NKAIN3: variants seen among roughly 807,000 people sequenced by gnomAD.
NKAIN3 encodes sodium/potassium transporting ATPase interacting 3, also known as sodium/potassium-transporting ATPase subunit beta-1-interacting protein 3.
In NKAIN3, 25 loss-of-function variants were observed where a neutral mutation model predicts 30.2. The observed-to-expected ratio is 0.83, with a 90% CI of 0.60 to 1.16. The LOEUF is 1.16. Among genes scored for constraint, NKAIN3 ranks in the 50% most tolerant of loss-of-function variants. The pLI, the probability that NKAIN3 is intolerant of heterozygous loss-of-function variation, is 0.00. For missense variants in NKAIN3, 225 were observed against 254.1 expected (o/e 0.89, Z 0.78); for synonymous variants, 91 against 89.6 (o/e 1.02, Z -0.09).
At position 62,992,107 on chromosome 8, in the gene NKAIN3, C is replaced by A. The variant is rs1192174701; in HGVS notation, c.533-7124C>A. Among the ~76,000 whole-genome samples the A allele has an allele frequency of 2.6e-5, 4 of 151,842 alleles. No individual in the cohort carries two copies. The East Asian group carries it at 7.7e-4, about 29-fold the overall frequency. On this transcript the variant is annotated intron_variant, in intron 5 of 5. Coordinates refer to the NKAIN3 transcript ENST00000519049. ...GACCTCAGCACTCTGCAGCTTACATCTCCCAGGTTTAAGTGACCCTCCTGC... is the reference window on the plus strand; with the variant it reads ...GACCTCAGCACTCTGCAGCTTACATATCCCAGGTTTAAGTGACCCTCCTGC...
chr8:62,496,727 C>T lies in NKAIN3; in HGVS notation c.55-82812C>T, dbSNP rs182543007. Among the ~76,000 whole-genome samples the T allele has an allele frequency of 3.4e-3, 520 of 152,150 alleles. 2 individuals are homozygous for T. The highest frequency in any genetic ancestry group is 0.012 in the African/African-American group (501 of 41,536). On this transcript the variant is annotated intron_variant, in intron 1 of 6. Transcript: ENST00000623646. ...AAGGTTCTGAAAGGCTATGAAGACC[C>T]GCTTTCAAAAAAATGGAGCTAAAAC...
intron 4 of NKAIN3, among the ~76,000 whole-genome samples, chr8:62,788,061 G>A (rs1473530665): frequency 6.6e-6 from 1 of 152,074 alleles, no homozygotes; most frequent in Non-Finnish European, 1.5e-5. Flanking sequence ...CCAGTAATGG[G>A]GTGGCTGGGT....
chr8:62,983,354 A>G lies in NKAIN3; in HGVS notation c.*17947A>G, dbSNP rs1824126578. The G allele has an allele frequency of 6.6e-6, 1 of 152,050 alleles. No individual in the cohort carries two copies. The highest frequency in any genetic ancestry group is 2.1e-4 in the South Asian group (1 of 4,812). The allele number at this position is 152,050 out of a possible 1,614,324, so 9.4% of individuals were successfully genotyped here. The stretch of plus-strand genomic sequence containing the variant: ...AGGGCTCTGCACAAGCCGGGCTCTG[A>G]TAGGAGGTGCCAGTGCTTTTCTTCT... On this transcript the variant is annotated 3_prime_UTR_variant, in exon 7 of 7. Transcript: ENST00000623646.
intron 4 of NKAIN3, among the ~76,000 whole-genome samples, chr8:62,825,850 TG>T (rs371897005): frequency 1.6e-4 from 24 of 152,302 alleles, no homozygotes; most frequent in African/African-American, 5.8e-4. Flanking sequence ...CTCTGGCTTA[TG>T]GCCCCTGACT....
chr8:62,732,762 A>T (rs1056760259), intron 3 of NKAIN3, among the ~76,000 whole-genome samples: 2 of 151,974 alleles, frequency 1.3e-5, no homozygotes, highest in African/African-American at 4.8e-5. Context: ...ATGTTTTTCC[A>T]TAAAGTCTAT....
chr8:62,707,825 C>A (rs1586112420), intron 3 of NKAIN3, among the ~76,000 whole-genome samples: 1 of 152,252 alleles, frequency 6.6e-6, no homozygotes, highest in Non-Finnish European at 1.5e-5. Context: ...AAAGATTCTT[C>A]CAGTGTTATC....
intron 4 of NKAIN3, among the ~76,000 whole-genome samples, chr8:62,789,742 C>G (rs1267243190): frequency 6.6e-6 from 1 of 152,106 alleles, no homozygotes; most frequent in African/African-American, 2.4e-5. Context: ...GACACATACA[C>G]TCTCCCAAGA....
At chr8:62,870,928 A>T (rs1292694444) in intron 4 of NKAIN3, among the ~76,000 whole-genome samples, 1 of 151,828 alleles carries the variant, frequency 6.6e-6, no homozygotes, top group Non-Finnish European at 1.5e-5. Flanking sequence ...TCGAGGGAAA[A>T]GTTTTAGATT....
intron 4 of NKAIN3, among the ~76,000 whole-genome samples, chr8:62,816,949 G>A (rs557767215): frequency 9.2e-5 from 14 of 152,262 alleles, no homozygotes; most frequent in Admixed American, 8.5e-4. Flanking sequence ...TCTGTAGGTA[G>A]GGTTGCAGGC....
intron 1 of NKAIN3, among the ~76,000 whole-genome samples, chr8:62,462,155 G>T (rs1806019200): frequency 6.6e-6 from 1 of 152,116 alleles, no homozygotes; most frequent in Non-Finnish European, 1.5e-5. Flanking sequence ...AGAGTCCATG[G>T]GCACAGGCGC....
chr8:62,360,694 T>C (rs961756747), intron 1 of NKAIN3, among the ~76,000 whole-genome samples: 3 of 152,110 alleles, frequency 2.0e-5, no homozygotes, highest in Non-Finnish European at 4.4e-5. Flanking sequence ...TCTGTCTCAA[T>C]GATCTGACTA....
intron 1 of NKAIN3, among the ~76,000 whole-genome samples, chr8:62,557,914 A>C (rs1809457514): frequency 6.6e-6 from 1 of 152,056 alleles, no homozygotes; most frequent in African/African-American, 2.4e-5. Context: ...TAGTTTAATT[A>C]AGTCCCAGCT....
At chr8:62,324,871 C>G (rs1815062502) in intron 1 of NKAIN3, among the ~76,000 whole-genome samples, 1 of 152,032 alleles carries the variant, frequency 6.6e-6, no homozygotes. Context: ...CGGCTGCAAG[C>G]TTGAAAATCT....
chr8:62,324,039 G>C (rs565224678), intron 1 of NKAIN3, among the ~76,000 whole-genome samples: 4 of 152,208 alleles, frequency 2.6e-5, no homozygotes, highest in Non-Finnish European at 5.9e-5. Flanking sequence ...ATATTGTAAT[G>C]ATGGGCACTT....
chr8:62,884,328 G>A (rs1044307179), intron 4 of NKAIN3, among the ~76,000 whole-genome samples: 6 of 151,512 alleles, frequency 4.0e-5, no homozygotes, highest in African/African-American at 1.5e-4. Context: ...GCGCAATCTC[G>A]GCTCACCACA....
At chr8:62,275,353 G>A (rs1812913608) in intron 1 of NKAIN3, among the ~76,000 whole-genome samples, 1 of 152,166 alleles carries the variant, frequency 6.6e-6, no homozygotes, top group South Asian at 2.1e-4. Flanking sequence ...CAGTGATGAT[G>A]AGCATTTCTT....
chr8:62,952,181 G>T (rs1823299765), intron 5 of NKAIN3, among the ~76,000 whole-genome samples: 1 of 151,882 alleles, frequency 6.6e-6, no homozygotes, highest in Non-Finnish European at 1.5e-5. Context: ...TAATTAAGTA[G>T]TAAATATTAA....
intron 1 of NKAIN3, among the ~76,000 whole-genome samples, chr8:62,573,767 T>G (rs1810019774): frequency 6.6e-6 from 1 of 152,088 alleles, no homozygotes; most frequent in Non-Finnish European, 1.5e-5. Flanking sequence ...ACATAGTAGG[T>G]GTATAGACTT....
At chr8:62,738,637 T>G (rs1815756122) in intron 3 of NKAIN3, among the ~76,000 whole-genome samples, 1 of 151,530 alleles carries the variant, frequency 6.6e-6, no homozygotes, top group South Asian at 2.1e-4. Flanking sequence ...TTGAGTAGTG[T>G]CTGTTTATAT....
Sources: gnomAD v4.1 joint callset for allele counts (sites outside exome capture counted in the v4.1 genomes callset) on GRCh38, gnomAD v4.1.1 for gene constraint, MANE v1.5 for transcripts, NCBI Gene and HGNC (gene_info 2026-07-23, HGNC 2026-07-21) for gene names.